The following PTPRN2 variants were observed in gnomAD, a reference collection of about 807,000 sequenced individuals.
PTPRN2 encodes protein tyrosine phosphatase receptor type N2.
PTPRN2 carries 74 observed loss-of-function variants against 118.8 expected under a neutral mutation model. That is an observed-to-expected ratio of 0.62 (90% CI 0.52 to 0.76). The LOEUF (loss-of-function observed/expected upper bound fraction) is 0.76. Ranked by LOEUF, PTPRN2 falls within the 30% of genes least tolerant of loss-of-function variation. PTPRN2 has a pLI of 0.00. For synonymous variants in PTPRN2, 641 were observed against 608.0 expected, an observed-to-expected ratio of 1.05 and a Z score of -0.80; for missense variants, 1,481 against 1,394.4, an observed-to-expected ratio of 1.06 and a Z score of -0.99.
chr7:158,181,758 A>G (rs7785124), intron 5 of PTPRN2, among the ~76,000 whole-genome samples: 95,230 of 152,006 alleles, frequency 0.63, 30,958 homozygotes, highest in East Asian at 0.84. Context: ...AGTCGTGAAT[A>G]ATCTTTTGTA....
intron 2 of PTPRN2, among the ~76,000 whole-genome samples, chr7:158,420,986 G>A (rs751534115): frequency 7.9e-5 from 12 of 152,134 alleles, no homozygotes; most frequent in African/African-American, 1.2e-4. Flanking sequence ...TCCCATTCTT[G>A]ATCGGACCCA....
chr7:158,568,281 C>T (rs1356381416), intron 1 of PTPRN2, among the ~76,000 whole-genome samples: 1 of 152,002 alleles, frequency 6.6e-6, no homozygotes, highest in East Asian at 1.9e-4. Context: ...AATTTTATAC[C>T]TGCAAACAGT....
chr7:158,455,203 G>A (rs528384753), intron 2 of PTPRN2, among the ~76,000 whole-genome samples: 4 of 152,230 alleles, frequency 2.6e-5, no homozygotes, highest in Non-Finnish European at 5.9e-5. Context: ...ATAACGGCAC[G>A]GACGCCATCG....
At chr7:157,865,028 A>T (rs1322628516) in intron 12 of PTPRN2, 1 of 151,238 alleles carries the variant, frequency 6.6e-6, no homozygotes, top group Non-Finnish European at 1.5e-5. Context: ...AAATCCAAGC[A>T]CTCCCCTCCT....
At chr7:157,637,101 C>T (rs1319490263) in intron 14 of PTPRN2, among the ~76,000 whole-genome samples, 2 of 152,160 alleles carry the variant, frequency 1.3e-5, no homozygotes, top group East Asian at 1.9e-4. Context: ...AATACACATT[C>T]CTTATTCAAT....
At chr7:158,270,073 C>T (rs1357584930) in intron 3 of PTPRN2, among the ~76,000 whole-genome samples, 1 of 152,222 alleles carries the variant, frequency 6.6e-6, no homozygotes, top group Non-Finnish European at 1.5e-5. Flanking sequence ...GTGCCCCAAC[C>T]AGAGCTTTTG....
intron 13 of PTPRN2, among the ~76,000 whole-genome samples, chr7:157,668,187 C>T (rs1317199957): frequency 6.6e-6 from 1 of 152,264 alleles, no homozygotes; most frequent in Non-Finnish European, 1.5e-5. Flanking sequence ...TTCTCTATAA[C>T]ACAATGTGCA....
Position 157,577,229 on chromosome 7 carries a change from A to T in PTPRN2, c.2617-450T>A. Reference sequence around the variant, plus strand: ...GCACACCCGGGTCTAGAGCAGGAAAAGCAAAAGGCTCACGGAGTCGCGCTG... The same window carrying T: ...GCACACCCGGGTCTAGAGCAGGAAATGCAAAAGGCTCACGGAGTCGCGCTG... On this transcript the variant is annotated intron_variant, in intron 18 of 22. Coordinates refer to ENST00000389418, the MANE Select transcript of PTPRN2 (RefSeq NM_002847.5). Among the ~76,000 whole-genome samples, 2 of 152,206 alleles carry T rather than the reference A, an allele frequency of 1.3e-5. 1 individual carries two copies. Among genetic ancestry groups the T allele is most frequent in the East Asian group, 3.9e-4 (2 of 5,182 alleles).
In PTPRN2 at chr7:157,591,226, C is replaced by G. The variant is rs1208700099; in HGVS notation, c.2496+4012G>C. On this transcript the variant is annotated intron_variant, in intron 17 of 22. Transcript: ENST00000389418. The surrounding 1 kb of genome is among the most constrained non-coding windows in gnomAD (Gnocchi z 4.4). ...ACGGGCCTGGGGCAGACACGGCCAT[C>G]TTTCCCATCACGGCCTTTCTCACGC... Among the ~76,000 whole-genome samples, 1 of 152,196 alleles carries G rather than the reference C, an allele frequency of 6.6e-6. No individual in the cohort carries two copies. The highest frequency in any genetic ancestry group is 2.4e-5 in the African/African-American group (1 of 41,448).
Position 157,615,848 on chromosome 7 carries a change from C to T in PTPRN2, c.2344+5514G>A, listed in dbSNP as rs1381015006. 1.1e-5 allele frequency: 4 copies of T among 354,976 alleles called. No individual in the cohort carries two copies. Among genetic ancestry groups the T allele is most frequent in the Non-Finnish European group, 2.2e-5 (4 of 180,150 alleles). The allele number at this position is 354,976 out of a possible 1,614,324, so 22.0% of individuals were successfully genotyped here. ...GGTGGGGGGTGCGCGAGGCCCTGGG[C>T]TCCACCGAAGACCTTAAGGAAAAGA... On this transcript the variant is annotated intron_variant, in intron 15 of 22. Coordinates refer to ENST00000389418, the MANE Select transcript of PTPRN2 (RefSeq NM_002847.5). The surrounding 1 kb of genome is among the most constrained non-coding windows in gnomAD (Gnocchi z 4.3).
intron 2 of PTPRN2, among the ~76,000 whole-genome samples, chr7:158,407,758 G>C (rs943050860): frequency 6.6e-6 from 1 of 152,198 alleles, no homozygotes; most frequent in Non-Finnish European, 1.5e-5. Flanking sequence ...CGCTCAAGCA[G>C]AGCCCGGCTG....
intron 17 of PTPRN2, among the ~76,000 whole-genome samples, chr7:157,580,605 C>G (rs1202091107): frequency 5.6e-5 from 8 of 142,972 alleles, no homozygotes; most frequent in Admixed American, 1.4e-4. Context: ...CCTGCACACC[C>G]CAGCCCCTGC....
chr7:158,443,046 A>T (rs78373308), intron 2 of PTPRN2, among the ~76,000 whole-genome samples: 2 of 17,636 alleles, frequency 1.1e-4, no homozygotes, highest in Admixed American at 7.8e-4. Flanking sequence ...AATAAGTATT[A>T]AAAAAAAAAA....
At chr7:157,580,952 A>C (rs1342762643) in intron 17 of PTPRN2, among the ~76,000 whole-genome samples, 1 of 124,848 alleles carries the variant, frequency 8.0e-6, no homozygotes, top group African/African-American at 3.2e-5. Flanking sequence ...CAGCCCCTGC[A>C]CACCCCAGCA....
intron 11 of PTPRN2, among the ~76,000 whole-genome samples, chr7:158,043,649 G>A (rs1031309501): frequency 1.3e-5 from 2 of 152,220 alleles, no homozygotes; most frequent in Non-Finnish European, 2.9e-5. Context: ...GCATTAAAGA[G>A]GCCAATTTCT....
intron 11 of PTPRN2, among the ~76,000 whole-genome samples, chr7:157,913,247 C>G (rs2128763460): frequency 6.6e-6 from 1 of 152,262 alleles, no homozygotes; most frequent in East Asian, 1.9e-4. Flanking sequence ...ATACAGCTGA[C>G]TTTTGCATGA....
intron 14 of PTPRN2, among the ~76,000 whole-genome samples, chr7:157,644,405 G>A (rs908551550): frequency 9.2e-5 from 14 of 152,166 alleles, no homozygotes; most frequent in African/African-American, 3.1e-4. Flanking sequence ...ATGTCGTCAC[G>A]GCAGCCCCAG....
chr7:158,312,980 GCA>G (rs983836417), intron 3 of PTPRN2, among the ~76,000 whole-genome samples: 18 of 151,742 alleles, frequency 1.2e-4, no homozygotes, highest in African/African-American at 4.4e-4. Flanking sequence ...CTACATGTGA[GCA>G]TGTGTGTGTG....
At chr7:158,019,645 A>G (rs1423457083) in intron 11 of PTPRN2, among the ~76,000 whole-genome samples, 1 of 152,178 alleles carries the variant, frequency 6.6e-6, no homozygotes, top group Non-Finnish European at 1.5e-5. Context: ...CATAGACAAG[A>G]CCTATATTGA....
Sources: allele counts gnomAD v4.1 joint callset (sites outside exome capture counted in the v4.1 genomes callset), GRCh38; gene constraint gnomAD v4.1.1; non-coding constraint Gnocchi (gnomAD v3.1); transcripts MANE v1.5; gene names NCBI Gene and HGNC (gene_info 2026-07-23, HGNC 2026-07-21).